CUTC: variants seen among roughly 807,000 people sequenced by gnomAD.
CUTC encodes cutC copper transporter, also known as copper homeostasis protein cutC homolog.
CUTC carries 27 observed loss-of-function variants against 36.2 expected under a neutral mutation model. That is an observed-to-expected ratio of 0.75 (90% CI 0.55 to 1.03). The LOEUF (loss-of-function observed/expected upper bound fraction) is 1.03, where lower values mean the gene tolerates loss of function less well. CUTC is among the 50% of genes least tolerant of loss of function. CUTC has a pLI of 0.00. For synonymous variants in CUTC, 114 were observed against 118.3 expected, an observed-to-expected ratio of 0.96 and a Z score of 0.24; for missense variants, 315 against 343.5, an observed-to-expected ratio of 0.92 and a Z score of 0.66.
intron 7 of CUTC, among the ~76,000 whole-genome samples, chr10:99,753,056 T>C (rs1209305565): frequency 3.9e-5 from 6 of 152,208 alleles, no homozygotes; most frequent in Admixed American, 1.3e-4. Context: ...TTTCTTCATC[T>C]ATAAAGAGAA....
At chr10:99,733,581 C>G (rs566722430) in intron 1 of CUTC, among the ~76,000 whole-genome samples, 15 of 152,026 alleles carry the variant, frequency 9.9e-5, no homozygotes, top group Non-Finnish European at 2.2e-4. Flanking sequence ...TTGCAGTAAG[C>G]CGAGATCGCG....
At chr10:99,753,239 C>T (rs553619316) in intron 7 of CUTC, among the ~76,000 whole-genome samples, 1 of 152,228 alleles carries the variant, frequency 6.6e-6, no homozygotes, top group South Asian at 2.1e-4. Flanking sequence ...ATATATTTGT[C>T]TCTTAATCCT....
chr10:99,738,389 G>GGC (rs148974907), intron 2 of CUTC, among the ~76,000 whole-genome samples: 1 of 142,862 alleles, frequency 7.0e-6, no homozygotes, highest in Non-Finnish European at 1.5e-5. Context: ...ACTCATACAG[G>GGC]GTGTGTGTGT....
At chr10:99,749,537 ATAT>A (rs1011155740) in intron 6 of CUTC, among the ~76,000 whole-genome samples, 3 of 152,286 alleles carry the variant, frequency 2.0e-5, no homozygotes, top group Admixed American at 1.3e-4. Context: ...TTCTTTAAAA[ATAT>A]TATTTCTCTA....
chr10:99,741,337 G>C (rs1379747666), intron 3 of CUTC, among the ~76,000 whole-genome samples: 1 of 152,098 alleles, frequency 6.6e-6, no homozygotes, highest in African/African-American at 2.4e-5. Flanking sequence ...GGTGGAATAG[G>C]CATTATTCAC....
intron 3 of CUTC, 23 bp downstream of exon 3, chr10:99,739,792 T>C: frequency 6.2e-7 from 1 of 1,600,492 alleles, no homozygotes; most frequent in South Asian, 1.1e-5. Flanking sequence ...TTTTCCCAGG[T>C]TTTCTGATTG....
chr10:99,734,800 A>C (rs1480121213), intron 1 of CUTC, among the ~76,000 whole-genome samples: 1 of 152,084 alleles, frequency 6.6e-6, no homozygotes, highest in Non-Finnish European at 1.5e-5. Flanking sequence ...AAGATTTCTC[A>C]CATAAAGACC....
intron 3 of CUTC, among the ~76,000 whole-genome samples, chr10:99,742,508 G>C (rs1052190282): frequency 6.6e-6 from 1 of 152,046 alleles, no homozygotes; most frequent in Non-Finnish European, 1.5e-5. Context: ...GCTATCCTAT[G>C]CAAAATTGGA....
At chr10:99,754,814 A>G (rs1846907308) in intron 8 of CUTC, among the ~76,000 whole-genome samples, 180 bp downstream of exon 8, 2 of 152,238 alleles carry the variant, frequency 1.3e-5, no homozygotes, top group Non-Finnish European at 2.9e-5. Flanking sequence ...CCTGTCTTAA[A>G]TAAACAGGCT....
chr10:99,743,844 T>G (rs536954608), intron 4 of CUTC, among the ~76,000 whole-genome samples, 193 bp from the exon 5 acceptor site: 1 of 152,360 alleles, frequency 6.6e-6, no homozygotes, highest in Admixed American at 6.5e-5. Flanking sequence ...ACCATTTTTT[T>G]GTATAAAAAT....
chr10:99,753,819 A>C (rs928905681), intron 7 of CUTC, among the ~76,000 whole-genome samples: 2 of 152,174 alleles, frequency 1.3e-5, no homozygotes, highest in African/African-American at 4.8e-5. Flanking sequence ...AGCATCTTTA[A>C]TGGCTTGAGA....
intron 2 of CUTC, among the ~76,000 whole-genome samples, chr10:99,738,864 C>T (rs1454228306): frequency 1.3e-5 from 2 of 151,972 alleles, no homozygotes; most frequent in Non-Finnish European, 2.9e-5. Context: ...CAGCTTTTCA[C>T]CTAATAAATT....
At chr10:99,755,402 C>G in intron 8 of CUTC, among the ~76,000 whole-genome samples, 1 of 133,292 alleles carries the variant, frequency 7.5e-6, no homozygotes. Flanking sequence ...AAAAAGGAAG[C>G]AAGAGCCTTA....
chr10:99,745,702 C>T (rs1474716197), intron 5 of CUTC, among the ~76,000 whole-genome samples: 2 of 152,108 alleles, frequency 1.3e-5, no homozygotes, highest in Non-Finnish European at 2.9e-5. Flanking sequence ...ACTAAAAATA[C>T]AAAAATTAGC....
chr10:99,752,733 C>T (rs1023842190), intron 7 of CUTC, among the ~76,000 whole-genome samples: 8 of 152,108 alleles, frequency 5.3e-5, no homozygotes, highest in Non-Finnish European at 1.0e-4. Flanking sequence ...ATGTTACATA[C>T]AAAAATATTT....
At chr10:99,750,012 A>AT (rs1239515897) in intron 6 of CUTC, among the ~76,000 whole-genome samples, 2 of 152,096 alleles carry the variant, frequency 1.3e-5, no homozygotes, top group Non-Finnish European at 2.9e-5. Flanking sequence ...GTAAAAAGAG[A>AT]TTTTATCACA....
At chr10:99,743,388 A>G in intron 4 of CUTC, 26 bp downstream of exon 4, 1 of 1,584,614 alleles carries the variant, frequency 6.3e-7, no homozygotes, top group Non-Finnish European at 8.7e-7. Flanking sequence ...TAAGACGTAA[A>G]AGCCTCTAAT....
intron 6 of CUTC, 88 bp downstream of exon 6, chr10:99,747,478 A>G: frequency 1.4e-6 from 2 of 1,463,602 alleles, no homozygotes; most frequent in Non-Finnish European, 1.9e-6. Context: ...GAGACTATAT[A>G]TTACTGACTT....
chr10:99,753,076 A>G (rs192009453), intron 7 of CUTC, among the ~76,000 whole-genome samples: 72 of 152,246 alleles, frequency 4.7e-4, no homozygotes, highest in African/African-American at 1.7e-3. Context: ...AGAATATTAA[A>G]CTAGTTCTGT....
Sources: allele counts gnomAD v4.1 joint callset (sites outside exome capture counted in the v4.1 genomes callset), GRCh38; gene constraint gnomAD v4.1.1; transcripts MANE v1.5; gene names NCBI Gene and HGNC (gene_info 2026-07-23, HGNC 2026-07-21).